SENP6: variants seen among roughly 807,000 people sequenced by gnomAD.
SENP6 encodes the protein SUMO specific peptidase 6, also known as sentrin-specific protease 6.
SENP6 carries 41 observed loss-of-function variants against 134.5 expected under a neutral mutation model. The observed-to-expected ratio is 0.30, with a 90% CI of 0.24 to 0.40. The LOEUF (loss-of-function observed/expected upper bound fraction) is 0.40. SENP6 is among the 10% of genes least tolerant of loss of function. The pLI, the probability that SENP6 is intolerant of heterozygous loss-of-function variation, is 1.00. For synonymous variants in SENP6, 395 were observed against 429.8 expected, an observed-to-expected ratio of 0.92 and a Z score of 1.00; for missense variants, 1,248 against 1,312.5, an observed-to-expected ratio of 0.95 and a Z score of 0.76.
At chr6:75,689,656 C>T (rs1774099578) in intron 16 of SENP6, among the ~76,000 whole-genome samples, 1 of 152,158 alleles carries the variant, frequency 6.6e-6, no homozygotes, top group African/African-American at 2.4e-5. Context: ...CGTATTTTTA[C>T]TGTACCTTTT....
At chr6:75,650,443 G>A (rs982042912) in intron 7 of SENP6, among the ~76,000 whole-genome samples, 1 of 152,114 alleles carries the variant, frequency 6.6e-6, no homozygotes, top group Non-Finnish European at 1.5e-5. Context: ...GGTGGGTCTT[G>A]CTGGCATCAG....
At chr6:75,657,810 AG>A (rs1771464036) in intron 7 of SENP6, among the ~76,000 whole-genome samples, 1 of 152,178 alleles carries the variant, frequency 6.6e-6, no homozygotes, top group Non-Finnish European at 1.5e-5. Flanking sequence ...AACAAAGAAG[AG>A]TTTGAATTCA....
intron 5 of SENP6, among the ~76,000 whole-genome samples, chr6:75,638,554 T>G (rs1769707058): frequency 2.5e-5 from 2 of 80,814 alleles, no homozygotes; most frequent in South Asian, 9.4e-4. Context: ...TTTGTGTGTG[T>G]AGTGTGTGTG....
At chr6:75,638,637 T>C (rs1163610106) in intron 5 of SENP6, among the ~76,000 whole-genome samples, 1 of 136,144 alleles carries the variant, frequency 7.3e-6, no homozygotes, top group South Asian at 2.3e-4. Flanking sequence ...TTTTTTTTTT[T>C]TTTTTTTTTT....
At chr6:75,675,661 C>CCTTTT in intron 12 of SENP6, 193 bp downstream of exon 12, 1 of 738,616 alleles carries the variant, frequency 1.4e-6, no homozygotes, top group East Asian at 2.8e-5. Context: ...TTTAGAAACC[C>CCTTTT]CTTTTCATTT....
At chr6:75,611,188 CA>C (rs1383439933) in intron 1 of SENP6, 10 of 152,184 alleles carry the variant, frequency 6.6e-5, no homozygotes, top group African/African-American at 2.4e-4. Flanking sequence ...CTGTGGAAAC[CA>C]ATAACTTCTC....
intron 16 of SENP6, among the ~76,000 whole-genome samples, chr6:75,689,854 G>T (rs1439447447): frequency 6.6e-6 from 1 of 152,154 alleles, no homozygotes; most frequent in Non-Finnish European, 1.5e-5. Context: ...ACCTCATGAT[G>T]CCTTTCTCAG....
chr6:75,618,635 G>C (rs1001359995), intron 1 of SENP6, among the ~76,000 whole-genome samples: 3 of 152,144 alleles, frequency 2.0e-5, no homozygotes, highest in Non-Finnish European at 4.4e-5. Context: ...GACCCTCTAA[G>C]AAAGCAGCTC....
Position 75,715,510 on chromosome 6 carries a change from G to C in SENP6, c.3255G>C (p.Glu1085Asp). The C allele has an allele frequency of 1.9e-6, 3 of 1,613,448 alleles. No individual in the cohort carries two copies. Among genetic ancestry groups the C allele is most frequent in the Non-Finnish European group, 2.5e-6 (3 of 1,179,574 alleles). Residue 1085 changes from glutamate to aspartate, a missense_variant, in exon 24 of 24, where the codon GAG (glutamate) becomes GAC (aspartate). By Grantham distance (45) the Glu-to-Asp change is conservative. Around this residue, in one of 3 missense-constraint regions of SENP6, gnomAD observed 386 missense variants for 395.0 expected, o/e 0.98. Coordinates refer to ENST00000447266, the MANE Select transcript of SENP6 (RefSeq NM_015571.4). ...ILKLQEDQSK[E>D]KRKHKDTYST... The stretch of plus-strand genomic sequence containing the variant: ...AGCTACAGGAAGATCAGAGCAAAGA[G>C]AAAAGAAAGCATAAGGACACTTACT...
intron 14 of SENP6, 148 bp downstream of exon 14, chr6:75,677,404 A>G: frequency 3.1e-6 from 2 of 650,244 alleles, no homozygotes; most frequent in Non-Finnish European, 5.0e-6. Context: ...TTTGTAAACT[A>G]CCTTGTGTCA....
Position 75,713,801 on chromosome 6 carries a change from G to T in SENP6, c.3105G>T (p.Leu1035Phe). 6.2e-7 allele frequency: 1 copy of T among 1,608,004 alleles called. No individual in the cohort carries two copies. Among genetic ancestry groups the T allele is most frequent in the Non-Finnish European group, 8.5e-7 (1 of 1,177,318 alleles). The change falls in exon 23 of 24, where the codon TTG becomes TTT. Residue 1035 changes from leucine (L) to phenylalanine (F), a missense_variant. Around this residue, in one of 3 missense-constraint regions of SENP6, gnomAD observed 386 missense variants for 395.0 expected, o/e 0.98. Transcript: ENST00000447266. Reference protein sequence around the residue: ...NNFSDCGVYVLQYVESFFENP... With the variant: ...NNFSDCGVYVFQYVESFFENP... ...TCAGTGACTGTGGTGTATATGTATT[G>T]CAGTATGTAGAGAGCTTTTTTGAGG...
At chr6:75,677,868 A>G (rs1057307579) in intron 14 of SENP6, 1 of 152,302 alleles carries the variant, frequency 6.6e-6, no homozygotes, top group African/African-American at 2.4e-5. Flanking sequence ...ACAGCAACTT[A>G]GCTTTGCTGA....
intron 16 of SENP6, among the ~76,000 whole-genome samples, chr6:75,685,339 G>C (rs1241910310): frequency 1.3e-5 from 2 of 151,868 alleles, no homozygotes; most frequent in African/African-American, 4.8e-5. Flanking sequence ...CCAGCTCCTG[G>C]ATTCATTGAT....
At chr6:75,672,816 A>C (rs913460535) in intron 11 of SENP6, among the ~76,000 whole-genome samples, 1 of 152,016 alleles carries the variant, frequency 6.6e-6, no homozygotes, top group African/African-American at 2.4e-5. Flanking sequence ...TGGCATTATT[A>C]TTTTTATGTA....
chr6:75,663,679 CAAAA>C (rs772643145), intron 9 of SENP6, among the ~76,000 whole-genome samples, 161 bp downstream of exon 9: 3 of 150,900 alleles, frequency 2.0e-5, no homozygotes, highest in South Asian at 2.1e-4. Context: ...TTAAAAAAAA[CAAAA>C]AAAAGAACCA....
chr6:75,602,905 A>AG (rs1467453298), intron 1 of SENP6, among the ~76,000 whole-genome samples: 2 of 152,342 alleles, frequency 1.3e-5, no homozygotes, highest in Non-Finnish European at 1.5e-5. Flanking sequence ...GAGAGCAGCC[A>AG]GCATTCACAT....
chr6:75,630,848 T>A (rs1435649473), intron 3 of SENP6, among the ~76,000 whole-genome samples: 1 of 149,230 alleles, frequency 6.7e-6, no homozygotes, highest in African/African-American at 2.5e-5. Flanking sequence ...AACCATCATT[T>A]AAAAAAAAAA....
chr6:75,641,559 CAT>C (rs112437111), intron 6 of SENP6, among the ~76,000 whole-genome samples: 3 of 152,232 alleles, frequency 2.0e-5, no homozygotes, highest in African/African-American at 7.2e-5. Context: ...CTGGCAGACA[CAT>C]GTTGTTCTTT....
intron 9 of SENP6, 57 bp downstream of exon 9, chr6:75,663,575 AT>A: frequency 7.4e-7 from 1 of 1,357,078 alleles, no homozygotes. Context: ...TTTCAGATAT[AT>A]TTTTACAACC....
Sources: gnomAD v4.1 joint callset for allele counts (sites outside exome capture counted in the v4.1 genomes callset) on GRCh38, gnomAD v4.1.1 for gene constraint, gnomAD v4.1.1 regional missense constraint, MANE v1.5 for transcripts, NCBI Gene and HGNC (gene_info 2026-07-23, HGNC 2026-07-21) for gene names.